The following BNC2 variants were observed in gnomAD, a reference collection of about 807,000 sequenced individuals.
BNC2 encodes basonuclin zinc finger protein 2, also known as zinc finger protein basonuclin-2.
Under a neutral mutation model 76.3 loss-of-function variants are expected in BNC2, and 20 were observed. That is an observed-to-expected ratio of 0.26 (90% CI 0.18 to 0.38). The LOEUF is 0.38. Among genes scored for constraint, BNC2 ranks in the 10% least tolerant of loss-of-function variants. BNC2 has a pLI of 1.00. For missense variants in BNC2, 1,382 were observed against 1,399.8 expected, an observed-to-expected ratio of 0.99 and a Z score of 0.20; for synonymous variants, 582 against 514.8, an observed-to-expected ratio of 1.13 and a Z score of -1.77.
At chr9:16,624,146 C>T (rs561045178) in intron 3 of BNC2, among the ~76,000 whole-genome samples, 2 of 152,222 alleles carry the variant, frequency 1.3e-5, no homozygotes, top group East Asian at 3.9e-4. Context: ...CATTCTTGCC[C>T]TTTGAATGTC....
chr9:16,779,188 C>T (rs1586876825), intron 1 of BNC2, among the ~76,000 whole-genome samples: 1 of 147,570 alleles, frequency 6.8e-6, no homozygotes, highest in Admixed American at 6.8e-5. Context: ...CCTGTAATTC[C>T]AGCTACTAAG....
Position 16,831,862 on chromosome 9 carries a change from C to T in BNC2, c.3+38784G>A, listed in dbSNP as rs190344216. On this transcript the variant is annotated intron_variant, in intron 1 of 6. Coordinates refer to ENST00000380672, the MANE Select transcript of BNC2 (RefSeq NM_017637.6). ...TCCCTAATGCTTTTCTGTTTTACTC[C>T]ACTGAGCAAATAATGGCAATGGTTA... Among the ~76,000 whole-genome samples the T allele has an allele frequency of 1.3e-3, 196 of 152,280 alleles. 1 individual carries two copies. The highest frequency in any genetic ancestry group is 4.6e-3 in the African/African-American group (190 of 41,556).
chr9:16,746,541 T>A (rs1290098122), intron 1 of BNC2, among the ~76,000 whole-genome samples: 2 of 151,728 alleles, frequency 1.3e-5, no homozygotes, highest in Admixed American at 1.3e-4. Flanking sequence ...TTTTTGTATT[T>A]TTAGTAGAGA....
At chr9:16,722,603 A>C (rs1409889173) in intron 3 of BNC2, among the ~76,000 whole-genome samples, 2 of 152,242 alleles carry the variant, frequency 1.3e-5, no homozygotes, top group Admixed American at 1.3e-4. Context: ...TTTGCAGATG[A>C]CAGAAAGGTG....
intron 1 of BNC2, among the ~76,000 whole-genome samples, chr9:16,820,931 C>T (rs749205972): frequency 2.2e-4 from 33 of 151,956 alleles, no homozygotes; most frequent in Non-Finnish European, 3.1e-4. Context: ...GTAGGCCAGG[C>T]GCAGTGTAAT....
At chr9:16,660,884 G>A (rs533918756) in intron 3 of BNC2, among the ~76,000 whole-genome samples, 22 of 152,142 alleles carry the variant, frequency 1.4e-4, no homozygotes, top group African/African-American at 4.6e-4. Context: ...TCAAGTGTAC[G>A]GGAGGATGGA....
At chr9:16,653,377 C>G (rs1233402907) in intron 3 of BNC2, among the ~76,000 whole-genome samples, 2 of 152,184 alleles carry the variant, frequency 1.3e-5, no homozygotes, top group Admixed American at 1.3e-4. Context: ...AATAAACTAT[C>G]TCCTCTTGCC....
intron 5 of BNC2, among the ~76,000 whole-genome samples, chr9:16,532,072 T>C (rs1431370840): frequency 1.3e-5 from 2 of 152,094 alleles, no homozygotes; most frequent in African/African-American, 2.4e-5. Context: ...CAGCTACTAC[T>C]TTCTGTTAAC....
chr9:16,439,163 G>C (rs1162858770), intron 5 of BNC2, among the ~76,000 whole-genome samples: 3 of 152,120 alleles, frequency 2.0e-5, no homozygotes, highest in Non-Finnish European at 4.4e-5. Context: ...CCGGCCATGT[G>C]GAATTATGAG....
chr9:16,665,737 T>A (rs754206035), intron 3 of BNC2, among the ~76,000 whole-genome samples: 4 of 152,210 alleles, frequency 2.6e-5, no homozygotes, highest in African/African-American at 4.8e-5. Context: ...GCCCTGGAAC[T>A]GCACGGATCT....
chr9:16,870,587 C>T, intron 1 of BNC2, 59 bp downstream of exon 1: 4 of 1,595,926 alleles, frequency 2.5e-6, no homozygotes, highest in South Asian at 1.1e-5. Flanking sequence ...CGCTCGGGCG[C>T]GGGGGTCATT....
intron 3 of BNC2, among the ~76,000 whole-genome samples, chr9:16,684,234 C>T (rs1390931720): frequency 6.6e-6 from 1 of 152,084 alleles, no homozygotes; most frequent in African/African-American, 2.4e-5. Flanking sequence ...TCGTCCTACC[C>T]AAAAAAGGTC....
chr9:16,832,135 G>T, intron 1 of BNC2: 1 of 315,778 alleles, frequency 3.2e-6, no homozygotes, highest in Non-Finnish European at 5.5e-6. Context: ...CTTCCTGGAT[G>T]TAGGATATTT....
At chr9:16,543,090 T>C (rs1818374345) in intron 5 of BNC2, among the ~76,000 whole-genome samples, 1 of 152,024 alleles carries the variant, frequency 6.6e-6, no homozygotes, top group Non-Finnish European at 1.5e-5. Flanking sequence ...AAATAAAACG[T>C]ATGGGCAACT....
intron 1 of BNC2, among the ~76,000 whole-genome samples, chr9:16,866,921 G>A (rs1819558826): frequency 6.6e-6 from 1 of 152,104 alleles, no homozygotes; most frequent in East Asian, 1.9e-4. Flanking sequence ...TTTCCACTCT[G>A]TTTCTTGTAA....
rs147058679 is a variant in BNC2, at chr9:16,444,853, T to G, written c.670-7329A>C. ...ATGTAATAAGCAGATATTTCAACCT[T>G]AAATTGTCATTCTAAAGCCAGTATT... On this transcript the variant is annotated intron_variant, in intron 5 of 6. Coordinates refer to ENST00000380672, the MANE Select transcript of BNC2 (RefSeq NM_017637.6). Among the ~76,000 whole-genome samples, 1,062 of 152,334 alleles carry G rather than the reference T, an allele frequency of 7.0e-3. 12 individuals carry two copies. Among genetic ancestry groups the G allele is most frequent in the African/African-American group, 0.024 (995 of 41,582 alleles).
chr9:16,693,645 G>C (rs1823249557), intron 3 of BNC2, among the ~76,000 whole-genome samples: 1 of 152,164 alleles, frequency 6.6e-6, no homozygotes, highest in Admixed American at 6.5e-5. Flanking sequence ...TTTTAGAAAA[G>C]ATATAACTTA....
chr9:16,477,474 C>T (rs780916750), intron 5 of BNC2, among the ~76,000 whole-genome samples: 2 of 152,012 alleles, frequency 1.3e-5, no homozygotes, highest in Non-Finnish European at 2.9e-5. Flanking sequence ...TTATTAATGG[C>T]AAACTTAAAC....
intron 5 of BNC2, among the ~76,000 whole-genome samples, chr9:16,485,590 C>T (rs1822147637): frequency 6.6e-6 from 1 of 152,124 alleles, no homozygotes; most frequent in Admixed American, 6.5e-5. Flanking sequence ...GTGGCTAGGG[C>T]TTACCAAAAA....
Sources: gnomAD v4.1 joint callset for allele counts (sites outside exome capture counted in the v4.1 genomes callset) on GRCh38, gnomAD v4.1.1 for gene constraint, MANE v1.5 for transcripts, NCBI Gene and HGNC (gene_info 2026-07-23, HGNC 2026-07-21) for gene names.